PCA3: variants seen among roughly 807,000 people sequenced by gnomAD.
PCA3 encodes prostate cancer associated 3, also known as Differential Display code 3.
chr9:76,767,867 T>C (rs2052590980), intron 2 of PCA3, among the ~76,000 whole-genome samples: 1 of 152,216 alleles, frequency 6.6e-6, no homozygotes, highest in African/African-American at 2.4e-5. Flanking sequence ...CCATGCCCAC[T>C]ATGGCTATTC....
At chr9:76,770,321 C>T (rs1028914327) in intron 2 of PCA3, among the ~76,000 whole-genome samples, 20 of 152,070 alleles carry the variant, frequency 1.3e-4, no homozygotes, top group African/African-American at 4.3e-4. Flanking sequence ...GAACCAAATA[C>T]TTTTGGGAAT....
chr9:76,766,360 C>T (rs978066285), intron 2 of PCA3, among the ~76,000 whole-genome samples: 3 of 151,934 alleles, frequency 2.0e-5, no homozygotes, highest in African/African-American at 7.3e-5. Flanking sequence ...TGGCTGTGTG[C>T]CTTGTGGGAG....
At chr9:76,768,537 G>A (rs905145094) in intron 2 of PCA3, among the ~76,000 whole-genome samples, 11 of 151,020 alleles carry the variant, frequency 7.3e-5, no homozygotes, top group Admixed American at 2.0e-4. Context: ...CACCTAGAAC[G>A]TTCTCTGGGT....
intron 2 of PCA3, among the ~76,000 whole-genome samples, chr9:76,765,527 T>C (rs1177164212): frequency 2.0e-5 from 3 of 152,194 alleles, no homozygotes; most frequent in African/African-American, 7.2e-5. Flanking sequence ...AATTGCATTC[T>C]AGCAATTAGC....
chr9:76,780,051 C>T (rs1490115484), intron 2 of PCA3: 2 of 152,156 alleles, frequency 1.3e-5, no homozygotes, highest in Non-Finnish European at 2.9e-5. Context: ...AGGAAAAATA[C>T]TGGTATTTTC....
chr9:76,774,374 G>C (rs1011083876), intron 2 of PCA3, among the ~76,000 whole-genome samples: 1 of 151,252 alleles, frequency 6.6e-6, no homozygotes, highest in Admixed American at 6.6e-5. Context: ...CTGAGCTCAA[G>C]CAATCCACCT....
intron 2 of PCA3, chr9:76,784,028 C>T (rs1027905536): frequency 6.6e-6 from 1 of 152,244 alleles, no homozygotes; most frequent in Non-Finnish European, 1.5e-5. Flanking sequence ...TATTGTCTGA[C>T]TGGCTCACTT....
intron 2 of PCA3, among the ~76,000 whole-genome samples, chr9:76,781,888 A>C (rs2054444404): frequency 6.6e-6 from 1 of 152,178 alleles, no homozygotes; most frequent in Non-Finnish European, 1.5e-5. Flanking sequence ...GTCAGAATAC[A>C]GGTAGGCAAG....
intron 2 of PCA3, chr9:76,784,627 T>C (rs2054779532): frequency 6.6e-6 from 1 of 152,246 alleles, no homozygotes; most frequent in Non-Finnish European, 1.5e-5. Context: ...TTCTACACTG[T>C]AGAATAACAT....
chr9:76,770,667 T>C (rs1402769825), intron 2 of PCA3, among the ~76,000 whole-genome samples: 2 of 152,162 alleles, frequency 1.3e-5, no homozygotes, highest in African/African-American at 4.8e-5. Context: ...ATTGCAACAA[T>C]TTGCAATAAA....
intron 2 of PCA3, among the ~76,000 whole-genome samples, chr9:76,766,115 G>A (rs1269350308): frequency 2.0e-5 from 3 of 151,494 alleles, no homozygotes; most frequent in South Asian, 2.1e-4. Flanking sequence ...CCCTGGAGGC[G>A]GAGGTTGCAG....
At chr9:76,784,355 A>C (rs1330939833) in intron 2 of PCA3, 1 of 152,224 alleles carries the variant, frequency 6.6e-6, no homozygotes, top group East Asian at 1.9e-4. Context: ...ATGGCTTCAC[A>C]AGACATGCAA....
intron 2 of PCA3, chr9:76,785,923 T>G (rs2054927751): frequency 6.6e-6 from 1 of 152,204 alleles, no homozygotes; most frequent in Non-Finnish European, 1.5e-5. Flanking sequence ...AAAAAAAGTT[T>G]GACTTCACAA....
At chr9:76,782,536 GT>G (rs1564292711) in intron 2 of PCA3, 1 of 152,174 alleles carries the variant, frequency 6.6e-6, no homozygotes, top group Non-Finnish European at 1.5e-5. Flanking sequence ...AATTAAATGA[GT>G]TAATTTTTGT....
At chr9:76,775,645 C>G (rs979337284) in intron 2 of PCA3, among the ~76,000 whole-genome samples, 2 of 152,202 alleles carry the variant, frequency 1.3e-5, no homozygotes, top group African/African-American at 4.8e-5. Context: ...GTCCATATTT[C>G]TTCTCTTCAG....
intron 2 of PCA3, among the ~76,000 whole-genome samples, chr9:76,777,492 G>C (rs1474344300): frequency 6.6e-6 from 1 of 152,148 alleles, no homozygotes; most frequent in Non-Finnish European, 1.5e-5. Context: ...CTGAAGAAAT[G>C]AATTTCAGGG....
chr9:76,779,232 C>CT (rs5898506), intron 2 of PCA3, among the ~76,000 whole-genome samples: 33,015 of 144,780 alleles, frequency 0.23, 3,732 homozygotes, highest in South Asian at 0.3. Flanking sequence ...AAAACTTAGA[C>CT]TTTTTTTTTT....
At chr9:76,767,407 TGCCACTGCGCTCCAGCCTGG>T (rs1014205576) in intron 2 of PCA3, among the ~76,000 whole-genome samples, 4 of 151,566 alleles carry the variant, frequency 2.6e-5, no homozygotes, top group African/African-American at 9.7e-5. Context: ...GACAAGATTG[TGCCACTGCGCTCCAGCCTGG>T]GCAAAAAGAG....
At chr9:76,785,777 C>T (rs967018719) in intron 2 of PCA3, 1 of 151,940 alleles carries the variant, frequency 6.6e-6, no homozygotes, top group Admixed American at 6.6e-5. Context: ...CAAAGTGTGC[C>T]TCTCTCTCTT....
Sources: allele counts gnomAD v4.1 joint callset (sites outside exome capture counted in the v4.1 genomes callset), GRCh38; gene constraint gnomAD v4.1.1; transcripts MANE v1.5; gene names NCBI Gene and HGNC (gene_info 2026-07-23, HGNC 2026-07-21).